CDYL2: variants seen among roughly 807,000 people sequenced by gnomAD.
CDYL2 encodes chromodomain Y like 2.
CDYL2 carries 23 observed loss-of-function variants against 49.4 expected under a neutral mutation model. That is an observed-to-expected ratio of 0.47 (90% confidence interval 0.34 to 0.66). The LOEUF (loss-of-function observed/expected upper bound fraction) is 0.66. Among genes scored for constraint, CDYL2 ranks in the 30% least tolerant of loss-of-function variants. The pLI is 0.01. For missense variants in CDYL2, 678 were observed against 656.4 expected (o/e 1.03, Z -0.36); for synonymous variants, 360 against 268.8 (o/e 1.34, Z -3.32).
At chr16:80,737,517 G>A (rs980907484) in intron 1 of CDYL2, among the ~76,000 whole-genome samples, 3 of 152,164 alleles carry the variant, frequency 2.0e-5, no homozygotes, top group African/African-American at 4.8e-5. Flanking sequence ...CCTTGCTCTA[G>A]GTACCGTGAG....
intron 6 of CDYL2, 125 bp from the exon 7 acceptor site, chr16:80,604,671 G>A: frequency 1.1e-6 from 1 of 943,212 alleles, no homozygotes; most frequent in Non-Finnish European, 1.7e-6. Context: ...GCCTCCTCCA[G>A]CCTGGGCCTT....
chr16:80,797,560 C>A (rs1431602691), intron 1 of CDYL2, among the ~76,000 whole-genome samples: 1 of 151,476 alleles, frequency 6.6e-6, no homozygotes, highest in Non-Finnish European at 1.5e-5. Context: ...CTATCCTTAC[C>A]TTTTTTTTTC....
chr16:80,771,697 T>G (rs74451284), intron 1 of CDYL2, among the ~76,000 whole-genome samples: 1 of 151,772 alleles, frequency 6.6e-6, no homozygotes, highest in Admixed American at 6.6e-5. Context: ...CACTCCAGCT[T>G]GGGTGTCAAA....
intron 2 of CDYL2, among the ~76,000 whole-genome samples, chr16:80,658,988 C>T (rs1421980942): frequency 6.6e-6 from 1 of 151,952 alleles, no homozygotes; most frequent in African/African-American, 2.4e-5. Flanking sequence ...TAAATAATGG[C>T]AGTAATAGAT....
intron 2 of CDYL2, 60 bp downstream of exon 2, chr16:80,684,478 G>C: frequency 6.6e-7 from 1 of 1,512,866 alleles, no homozygotes; most frequent in Non-Finnish European, 9.0e-7. Flanking sequence ...CTAGGCTACA[G>C]GCAGAGCTCC....
At chr16:80,610,077 A>C (rs985440204) in intron 5 of CDYL2, among the ~76,000 whole-genome samples, 1 of 152,142 alleles carries the variant, frequency 6.6e-6, no homozygotes, top group African/African-American at 2.4e-5. Flanking sequence ...AAAATTTGCT[A>C]TTTTTGTATG....
chr16:80,800,286 G>A (rs1445894553), intron 1 of CDYL2, among the ~76,000 whole-genome samples: 2 of 152,102 alleles, frequency 1.3e-5, no homozygotes, highest in African/African-American at 4.8e-5. Flanking sequence ...CTACACCCTG[G>A]ATCAGACTTA....
intron 3 of CDYL2, among the ~76,000 whole-genome samples, chr16:80,630,212 T>C (rs918297305): frequency 2.6e-5 from 4 of 152,156 alleles, no homozygotes; most frequent in African/African-American, 7.2e-5. Flanking sequence ...ACTTTGACTG[T>C]TTTCCTCCTG....
intron 1 of CDYL2, among the ~76,000 whole-genome samples, chr16:80,726,302 C>T (rs577507832): frequency 2.0e-5 from 3 of 152,194 alleles, no homozygotes; most frequent in South Asian, 4.1e-4. Flanking sequence ...GTTTTTAAAA[C>T]CAACAATGAA....
intron 2 of CDYL2, among the ~76,000 whole-genome samples, chr16:80,652,664 G>C (rs1908633872): frequency 6.6e-6 from 1 of 152,142 alleles, no homozygotes; most frequent in East Asian, 1.9e-4. Context: ...TCAGCCAGGT[G>C]GTCACAGTCA....
chr16:80,694,742 T>A (rs1910554036), intron 1 of CDYL2, among the ~76,000 whole-genome samples: 1 of 152,124 alleles, frequency 6.6e-6, no homozygotes, highest in South Asian at 2.1e-4. Flanking sequence ...CATGGTTTCT[T>A]AATATCACTC....
chr16:80,650,317 T>C (rs1019826283), intron 2 of CDYL2, among the ~76,000 whole-genome samples: 6 of 152,268 alleles, frequency 3.9e-5, no homozygotes, highest in South Asian at 4.1e-4. Context: ...GATTTAGATA[T>C]TTCTCAAAAG....
chr16:80,725,073 G>T (rs1905120896), intron 1 of CDYL2, among the ~76,000 whole-genome samples: 1 of 152,084 alleles, frequency 6.6e-6, no homozygotes, highest in Admixed American at 6.5e-5. Context: ...CCTTCTATCG[G>T]TTCCAAGGAC....
chr16:80,756,486 G>C (rs143221204), intron 1 of CDYL2, among the ~76,000 whole-genome samples: 352 of 152,068 alleles, frequency 2.3e-3, no homozygotes, highest in Non-Finnish European at 3.1e-3. Context: ...ATGAAACAAG[G>C]AATTTTTTGG....
intron 2 of CDYL2, among the ~76,000 whole-genome samples, chr16:80,671,974 C>T (rs1056013514): frequency 6.6e-6 from 1 of 152,146 alleles, no homozygotes; most frequent in African/African-American, 2.4e-5. Context: ...GTTGGGTATA[C>T]CTTATCCAAA....
chr16:80,724,414 G>A (rs2142529950), intron 1 of CDYL2, among the ~76,000 whole-genome samples: 1 of 152,176 alleles, frequency 6.6e-6, no homozygotes, highest in African/African-American at 2.4e-5. Context: ...TTTTTTCTAT[G>A]CCATTAAGGT....
chr16:80,657,905 C>T (rs545774951), intron 2 of CDYL2, among the ~76,000 whole-genome samples: 31 of 152,128 alleles, frequency 2.0e-4, no homozygotes, highest in Admixed American at 5.2e-4. Flanking sequence ...CCTAAATGTG[C>T]AAGCATAGAC....
chr16:80,700,261 C>T (rs1394830242), intron 1 of CDYL2, among the ~76,000 whole-genome samples: 1 of 152,064 alleles, frequency 6.6e-6, no homozygotes, highest in African/African-American at 2.4e-5. Context: ...ATATCAAACA[C>T]AAAAAATGCG....
chr16:80,804,234 T>C lies in CDYL2; in HGVS notation c.-61A>G. The C allele has an allele frequency of 7.6e-7, 1 of 1,311,036 alleles. No homozygotes were observed. The highest frequency in any genetic ancestry group is 1.0e-6 in the Non-Finnish European group (1 of 1,000,314). The allele number at this position is 1,311,036 out of a possible 1,614,324, so 81.2% of individuals were successfully genotyped here. A position where few individuals can be genotyped will look rare whatever the true frequency, so the allele number is the denominator to read the frequency against. ...TCTGCTCGCTCGCGCCCTCCGTGCG[T>C]GTGCGCGCGGGGTCCGGTGTGCGCG... On this transcript the variant is annotated 5_prime_UTR_variant, in exon 1 of 7. Transcript: ENST00000570137.
Sources: allele counts gnomAD v4.1 joint callset (sites outside exome capture counted in the v4.1 genomes callset), GRCh38; gene constraint gnomAD v4.1.1; transcripts MANE v1.5; gene names NCBI Gene and HGNC (gene_info 2026-07-23, HGNC 2026-07-21).